KIF14: variants seen among roughly 807,000 people sequenced by gnomAD.
The protein encoded by KIF14 is kinesin family member 14.
In KIF14, 98 loss-of-function variants were observed where a neutral mutation model predicts 176.2. That is an observed-to-expected ratio of 0.56 (90% CI 0.47 to 0.66). KIF14 has a LOEUF of 0.66. KIF14 is among the 30% of genes least tolerant of loss of function. The pLI is 0.00. For synonymous variants in KIF14, 566 were observed against 632.2 expected, an observed-to-expected ratio of 0.90 and a Z score of 1.57; for missense variants, 1,751 against 1,920.4, an observed-to-expected ratio of 0.91 and a Z score of 1.65.
intron 21 of KIF14, among the ~76,000 whole-genome samples, chr1:200,579,832 C>T (rs1432861631): frequency 2.0e-5 from 3 of 151,976 alleles, no homozygotes; most frequent in African/African-American, 4.8e-5. Flanking sequence ...CAGTTGGAAG[C>T]ACTCAAAGCA....
Position 200,580,277 on chromosome 1 carries a change from C to T in KIF14, c.3442G>A (p.Ala1148Thr), listed in dbSNP as rs1326075004. 3.7e-5 allele frequency: 54 copies of T among 1,457,746 alleles called. No individual in the cohort carries two copies. The highest frequency in any genetic ancestry group is 4.7e-5 in the Non-Finnish European group (51 of 1,093,652). 90.3% of individuals were successfully genotyped at this position (1,457,746 alleles called of 1,614,324 possible). Residue 1148 changes from alanine (A) to threonine (T), a missense_variant, in exon 21 of 30, where the codon GCA becomes ACA. By Grantham distance (58) the Ala-to-Thr change is moderately conservative (BLOSUM62 0). Coordinates refer to ENST00000367350, the MANE Select transcript of KIF14 (RefSeq NM_014875.3). ...WSLEKFESKL[A>T]AMKELYESNG... ...ACCTCATAAAGTTCTTTCATTGCTG[C>T]AAGTTTAGATTCAAACTTTTCCAGA... is the stretch of plus-strand genomic sequence containing the variant.
At chr1:200,569,369 TA>T (rs979381259) in intron 23 of KIF14, among the ~76,000 whole-genome samples, 2 of 152,158 alleles carry the variant, frequency 1.3e-5, no homozygotes, top group African/African-American at 2.4e-5. Flanking sequence ...ATTCCTTTTT[TA>T]AAAAAATTGA....
At chr1:200,609,215 G>T (rs984360822) in intron 4 of KIF14, among the ~76,000 whole-genome samples, 1 of 152,136 alleles carries the variant, frequency 6.6e-6, no homozygotes, top group African/African-American at 2.4e-5. Flanking sequence ...CACCCACTAG[G>T]ATGGCAGTAA....
chr1:200,586,175 G>A lies in KIF14; in HGVS notation c.3167C>T (p.Thr1056Ile). The change falls in exon 19 of 30, where the codon ACT becomes ATT. Residue 1056 changes from threonine to isoleucine, a missense_variant. Physicochemically the swap from Thr to Ile is moderately conservative, Grantham distance 89. Coordinates refer to ENST00000367350, the MANE Select transcript of KIF14 (RefSeq NM_014875.3). ...TTCTTTAGCAATTTTTTGCTTTTCA[G>A]TTTCTAAAGCTTCCAGAATTCTTGC... ...RHARILEALE[T>I]EKQKIAKEVQ... 2 of 1,601,154 alleles carry A rather than the reference G, an allele frequency of 1.2e-6. No individual in the cohort carries two copies. The highest frequency in any genetic ancestry group is 1.7e-6 in the Non-Finnish European group (2 of 1,171,662).
intron 23 of KIF14, 30 bp from the exon 24 acceptor site, chr1:200,565,699 C>G: frequency 7.0e-7 from 1 of 1,433,118 alleles, no homozygotes; most frequent in Non-Finnish European, 9.5e-7. Context: ...CCATTTTAAG[C>G]TTGTTTTCAG....
chr1:200,598,122 G>A, intron 14 of KIF14, 115 bp downstream of exon 14: 1 of 869,510 alleles, frequency 1.2e-6, no homozygotes, highest in Admixed American at 2.7e-5. Context: ...TAAACAATGG[G>A]TTTGAAGAAT....
At chr1:200,606,648 A>T in intron 6 of KIF14, 98 bp downstream of exon 6, 1 of 1,062,106 alleles carries the variant, frequency 9.4e-7, no homozygotes, top group Non-Finnish European at 1.5e-6. Flanking sequence ...TTTCAAAGTT[A>T]GGAAGGCCAA....
rs1660025374 is a variant in KIF14 at position 200,609,034 on chromosome 1, A to T, written c.1456-106T>A. ...ATATATAAATATATAAAAATATCCTACAACTCAACAACATAAAGACAAACA... is the reference window on the plus strand; with the variant it reads ...ATATATAAATATATAAAAATATCCTTCAACTCAACAACATAAAGACAAACA... On this transcript the variant is annotated intron_variant, in intron 4 of 29. Transcript: ENST00000367350. 7.3e-6 allele frequency: 4 copies of T among 550,942 alleles called. No individual in the cohort carries two copies. In the South Asian group the frequency reaches 1.3e-4, roughly 18 times the overall value. 34.1% of individuals were successfully genotyped at this position (550,942 alleles called of 1,614,324 possible). A position where few individuals can be genotyped will look rare whatever the true frequency, so the allele number is the denominator to read the frequency against.
chr1:200,592,806 C>T (rs1659122294), intron 15 of KIF14, among the ~76,000 whole-genome samples: 1 of 152,196 alleles, frequency 6.6e-6, no homozygotes. Context: ...GCCTACTACA[C>T]ACTTAGGCTA....
chr1:200,566,817 C>A (rs990875777), intron 23 of KIF14, among the ~76,000 whole-genome samples: 1 of 151,904 alleles, frequency 6.6e-6, no homozygotes, highest in Non-Finnish European at 1.5e-5. Context: ...ATGACAGTTA[C>A]ATAAAATTAG....
chr1:200,603,457 T>C, intron 9 of KIF14, 116 bp from the exon 10 acceptor site: 1 of 607,716 alleles, frequency 1.6e-6, no homozygotes, highest in Non-Finnish European at 2.9e-6. Context: ...TTTACTTTCT[T>C]TTTTTTTGAG....
chr1:200,591,153 TA>T (rs1659034234), intron 16 of KIF14, among the ~76,000 whole-genome samples: 1 of 152,154 alleles, frequency 6.6e-6, no homozygotes, highest in South Asian at 2.1e-4. Context: ...TGTATTCAAT[TA>T]AAAAAATTCT....
At chr1:200,608,391 G>T (rs1295484728) in intron 5 of KIF14, among the ~76,000 whole-genome samples, 4 of 142,204 alleles carry the variant, frequency 2.8e-5, no homozygotes, top group African/African-American at 1.0e-4. Context: ...TGGAGACGAA[G>T]TCTCACTCTG....
chr1:200,619,390 G>A (rs557660586), intron 1 of KIF14, among the ~76,000 whole-genome samples: 57 of 150,664 alleles, frequency 3.8e-4, no homozygotes, highest in Non-Finnish European at 7.1e-4. Context: ...GTCTTGCTCT[G>A]TCACCAGGCT....
intron 21 of KIF14, among the ~76,000 whole-genome samples, chr1:200,579,838 A>G (rs1658347762): frequency 6.6e-6 from 1 of 152,156 alleles, no homozygotes; most frequent in African/African-American, 2.4e-5. Context: ...GAAGCACTCA[A>G]AGCACAGCAA....
intron 1 of KIF14, among the ~76,000 whole-genome samples, chr1:200,619,793 T>C (rs1455090326): frequency 6.6e-6 from 1 of 152,190 alleles, no homozygotes; most frequent in African/African-American, 2.4e-5. Context: ...CAAGATTAGA[T>C]AAACAGACAA....
rs779574799 is a variant in KIF14 at position 200,603,345 on chromosome 1, C to A, written c.1864-4G>T. ...ACTTATTAATACTCACACCTTCCTGCATGCAAGAAAAAAAAAATTTTTAAC... is the reference window on the plus strand; with the variant it reads ...ACTTATTAATACTCACACCTTCCTGAATGCAAGAAAAAAAAAATTTTTAAC... On this transcript the variant is annotated splice_region_variant and splice_polypyrimidine_tract_variant and intron_variant, in intron 9 of 29. Coordinates refer to ENST00000367350, the MANE Select transcript of KIF14 (RefSeq NM_014875.3). The A allele has an allele frequency of 2.0e-6, 3 of 1,503,706 alleles. No individual in the cohort carries two copies. The highest frequency in any genetic ancestry group is 2.7e-6 in the Non-Finnish European group (3 of 1,102,604). The allele number at this position is 1,503,706 out of a possible 1,614,324, so 93.1% of individuals were successfully genotyped here. A position where few individuals can be genotyped will look rare whatever the true frequency, so the allele number is the denominator to read the frequency against.
Position 200,618,070 on chromosome 1 carries a change from T to A in KIF14, c.654A>T (p.Arg218Ser), listed in dbSNP as rs1387548819. 1 of 1,614,128 alleles carries A rather than the reference T, an allele frequency of 6.2e-7. No individual in the cohort carries two copies. The highest frequency in any genetic ancestry group is 8.5e-7 in the Non-Finnish European group (1 of 1,179,984). ...ENVALKYSSN[R>S]PPIASLSQTE... ...TCTGACTCAGGGAAGCAATGGGTGG[T>A]CTATTACTTGAGTACTTAAGTGCAA... is the stretch of plus-strand genomic sequence containing the variant. The change falls in exon 2 of 30, where the codon AGA (arginine) becomes AGT (serine). Residue 218 changes from arginine (R) to serine (S), a missense_variant. Arg to Ser is a moderately radical substitution (Grantham distance 110). Transcript: ENST00000367350.
chr1:200,560,650 A>T, intron 26 of KIF14, 72 bp downstream of exon 26: 1 of 1,445,522 alleles, frequency 6.9e-7, no homozygotes, highest in Non-Finnish European at 9.7e-7. Context: ...TGCCATGTTT[A>T]GTACTGTACT....
Sources: allele counts gnomAD v4.1 joint callset (sites outside exome capture counted in the v4.1 genomes callset), GRCh38; gene constraint gnomAD v4.1.1; transcripts MANE v1.5; gene names NCBI Gene and HGNC (gene_info 2026-07-23, HGNC 2026-07-21).